Variants in TUT4 observed in about 807,000 individuals in gnomAD.
TUT4 encodes terminal uridylyl transferase 4.
TUT4 carries 36 observed loss-of-function variants against 192.2 expected under a neutral mutation model. The observed-to-expected ratio is 0.19, with a 90% CI of 0.14 to 0.25. TUT4 has a LOEUF of 0.25. Among genes scored for constraint, TUT4 ranks in the 10% least tolerant of loss-of-function variants. TUT4 has a pLI of 1.00. For missense variants in TUT4, 1,493 were observed against 1,957.2 expected (o/e 0.76, Z 4.47); for synonymous variants, 618 against 666.0 (o/e 0.93, Z 1.11).
At chr1:52,539,890 G>A (rs1251120976) in intron 1 of TUT4, among the ~76,000 whole-genome samples, 1 of 146,878 alleles carries the variant, frequency 6.8e-6, no homozygotes, top group African/African-American at 2.6e-5. Flanking sequence ...TGGGTGACAA[G>A]AGCAAGACTC....
At chr1:52,530,094 C>T (rs1682948018) in intron 1 of TUT4, among the ~76,000 whole-genome samples, 1 of 152,004 alleles carries the variant, frequency 6.6e-6, no homozygotes, top group African/African-American at 2.4e-5. Flanking sequence ...CCTCCTGCCT[C>T]GGCTTCCCAA....
rs781695605 is a variant in TUT4 at position 52,525,548 on chromosome 1, CA to C, written c.718+14del. 12 of 1,587,594 alleles carry C rather than the reference CA, an allele frequency of 7.6e-6. No homozygotes were observed. Among genetic ancestry groups the C allele is most frequent in the South Asian group, 1.2e-5 (1 of 86,286 alleles). On this transcript the variant is annotated intron_variant, in intron 2 of 29. Transcript: ENST00000257177. ...GAACATTAATATACAAAAATCCCTC[CA>C]AAAAATGACTTACTTAAATCGTCCG...
intron 29 of TUT4, chr1:52,424,214 AGAG>A (rs1649021723): frequency 1.9e-6 from 1 of 539,734 alleles, no homozygotes; most frequent in Non-Finnish European, 3.3e-6. Context: ...CGAAAGATGG[AGAG>A]GAGGAATCAA....
At chr1:52,489,611 T>C (rs1050926588) in intron 8 of TUT4, among the ~76,000 whole-genome samples, 1 of 152,164 alleles carries the variant, frequency 6.6e-6, no homozygotes, top group Non-Finnish European at 1.5e-5. Context: ...CAACCTTAAA[T>C]GGGATGACAG....
intron 12 of TUT4, among the ~76,000 whole-genome samples, chr1:52,477,504 T>C (rs567447312): frequency 3.3e-5 from 5 of 152,252 alleles, no homozygotes; most frequent in African/African-American, 1.2e-4. Context: ...GAGTTTGAGG[T>C]TGCAGTAAGC....
At chr1:52,531,508 T>C (rs1383861332) in intron 1 of TUT4, among the ~76,000 whole-genome samples, 1 of 152,184 alleles carries the variant, frequency 6.6e-6, no homozygotes, top group Non-Finnish European at 1.5e-5. Context: ...AGGTAAGAAA[T>C]CATTTCTGAT....
intron 20 of TUT4, among the ~76,000 whole-genome samples, chr1:52,452,417 A>G (rs969142436): frequency 6.6e-6 from 1 of 152,160 alleles, no homozygotes; most frequent in Non-Finnish European, 1.5e-5. Flanking sequence ...GCCCCTAGGT[A>G]TCTTTAAAAT....
At chr1:52,475,914 A>G (rs1022903012) in intron 12 of TUT4, among the ~76,000 whole-genome samples, 16 of 151,828 alleles carry the variant, frequency 1.1e-4, no homozygotes, top group African/African-American at 3.9e-4. Context: ...CTATGATCTC[A>G]GCTCACTGCA....
intron 1 of TUT4, among the ~76,000 whole-genome samples, chr1:52,550,244 C>G (rs1689066481): frequency 6.6e-6 from 1 of 152,058 alleles, no homozygotes; most frequent in African/African-American, 2.4e-5. Context: ...TCTAATTGCT[C>G]TAAGATTAAT....
Position 52,515,993 on chromosome 1 carries a change from ATTT to A in TUT4, c.777_779del (p.Glu259_Asn260delinsAsp), listed in dbSNP as rs1474996768. 1.9e-6 allele frequency: 3 copies of A among 1,613,424 alleles called. No homozygotes were observed. In the East Asian group the frequency reaches 6.7e-5, roughly 36 times the overall value. The stretch of plus-strand genomic sequence containing the variant: ...ATGCAGATTCATCTATCACAGTGGC[ATTT>A]TCTAAGTAGTCCATCTCTGAAGAAT... On this transcript the variant is annotated inframe_deletion, in exon 3 of 30. Transcript: ENST00000257177.
At chr1:52,464,139 G>C (rs914636605) in intron 16 of TUT4, among the ~76,000 whole-genome samples, 3 of 152,138 alleles carry the variant, frequency 2.0e-5, no homozygotes, top group African/African-American at 7.2e-5. Context: ...GAAGGTGGTT[G>C]TAAGAATGAA....
intron 25 of TUT4, chr1:52,437,324 C>T (rs1182319940): frequency 5.5e-5 from 10 of 181,738 alleles, no homozygotes; most frequent in African/African-American, 2.4e-4. Flanking sequence ...GTGATGGAAA[C>T]TGGAAGTTCG....
intron 13 of TUT4, among the ~76,000 whole-genome samples, chr1:52,473,405 T>G (rs1194410527): frequency 1.3e-5 from 2 of 152,154 alleles, no homozygotes; most frequent in Non-Finnish European, 2.9e-5. Flanking sequence ...AATTTGCTAA[T>G]AAGGTACCTC....
At chr1:52,444,700 T>C (rs1656841412) in intron 24 of TUT4, among the ~76,000 whole-genome samples, 1 of 149,548 alleles carries the variant, frequency 6.7e-6, no homozygotes, top group Non-Finnish European at 1.5e-5. Flanking sequence ...AGCAGAAAAA[T>C]GTGAAAAGGC....
intron 4 of TUT4, among the ~76,000 whole-genome samples, chr1:52,498,331 C>CT (rs1463726325): frequency 6.6e-6 from 1 of 151,120 alleles, no homozygotes; most frequent in Non-Finnish European, 1.5e-5. Context: ...AGGCTCCGCC[C>CT]CCCCGGGGTT....
chr1:52,455,503 G>A (rs922579892), intron 20 of TUT4, among the ~76,000 whole-genome samples: 3 of 150,866 alleles, frequency 2.0e-5, no homozygotes, highest in African/African-American at 7.3e-5. Context: ...CAGCTATTCA[G>A]GAGGCTGAGG....
chr1:52,442,335 G>A (rs760877362), intron 24 of TUT4, among the ~76,000 whole-genome samples: 1 of 151,922 alleles, frequency 6.6e-6, no homozygotes, highest in African/African-American at 2.4e-5. Flanking sequence ...AAGATGAAAG[G>A]ACAGGAAATA....
chr1:52,490,809 G>GGA lies in TUT4; in HGVS notation c.1319-10_1319-9dup. 1 of 1,582,768 alleles carries GGA rather than the reference G, an allele frequency of 6.3e-7. No individual in the cohort carries two copies. Among genetic ancestry groups the GGA allele is most frequent in the Middle Eastern group, 1.7e-4 (1 of 5,920 alleles). On this transcript the variant is annotated splice_polypyrimidine_tract_variant and intron_variant, in intron 7 of 29. Coordinates refer to ENST00000257177, the MANE Select transcript of TUT4 (RefSeq NM_001009881.3). ...CCACATCTACATATAATACTAATAAGGAAAAAAAAAAGTAAGCTAATGTCA... is the reference window on the plus strand; with the variant it reads ...CCACATCTACATATAATACTAATAAGGAGAAAAAAAAAAGTAAGCTAATGTCA...
At chr1:52,541,413 T>C (rs944624963) in intron 1 of TUT4, among the ~76,000 whole-genome samples, 1 of 150,634 alleles carries the variant, frequency 6.6e-6, no homozygotes, top group African/African-American at 2.5e-5. Flanking sequence ...GCGCCAGTAA[T>C]CCCAGCTACT....
Sources: allele counts gnomAD v4.1 joint callset (sites outside exome capture counted in the v4.1 genomes callset), GRCh38; gene constraint gnomAD v4.1.1; transcripts MANE v1.5; gene names NCBI Gene and HGNC (gene_info 2026-07-23, HGNC 2026-07-21).